Variants in PDE6B observed in about 807,000 individuals in gnomAD.
The protein encoded by PDE6B is phosphodiesterase 6B, also known as rod cGMP-specific 3',5'-cyclic phosphodiesterase subunit beta.
Under a neutral mutation model 109.0 loss-of-function variants are expected in PDE6B, and 106 were observed. That is an observed-to-expected ratio of 0.97 (90% CI 0.83 to 1.14). The LOEUF (loss-of-function observed/expected upper bound fraction) is 1.14, where lower values mean the gene tolerates loss of function less well. Among genes scored for constraint, PDE6B ranks in the 50% most tolerant of loss-of-function variants. The pLI, the probability that PDE6B is intolerant of heterozygous loss-of-function variation, is 0.00. For missense variants in PDE6B, 1,193 were observed against 1,155.6 expected (o/e 1.03, Z -0.47); for synonymous variants, 490 against 471.3 (o/e 1.04, Z -0.51).
At position 626,666 on chromosome 4, in the gene PDE6B, G is replaced by C. The variant is rs1286546193; in HGVS notation, c.468+572G>C. ...GGAGAACAAACCTGGTAGCCACTGA[G>C]CACAGGGGTCCAGGGTGGGACTGGG... On this transcript the variant is annotated intron_variant, in intron 1 of 21. Coordinates refer to ENST00000496514, the MANE Select transcript of PDE6B (RefSeq NM_000283.4). This position sits in a 1 kb window ranked among gnomAD's most constrained non-coding sequence, Gnocchi z 4.6. 6.6e-6 allele frequency among the ~76,000 whole-genome samples: 1 copy of C among 152,248 alleles called. No individual in the cohort carries two copies. The highest frequency in any genetic ancestry group is 1.5e-5 in the Non-Finnish European group (1 of 68,044).
intron 2 of PDE6B, 112 bp from the exon 3 acceptor site, chr4:635,768 C>T (rs1247941959): frequency 2.8e-6 from 2 of 723,372 alleles, no homozygotes; most frequent in Non-Finnish European, 5.1e-6. Flanking sequence ...GGCACAGCTT[C>T]CTGGCGTGTC....
rs1266292511 is a variant in PDE6B, at chr4:633,819, T to C, written c.469-858T>C. Among the ~76,000 whole-genome samples the C allele has an allele frequency of 2.6e-5, 4 of 152,172 alleles. No individual in the cohort carries two copies. On this transcript the variant is annotated intron_variant, in intron 1 of 21. Transcript: ENST00000496514. This position sits in a 1 kb window ranked among gnomAD's most constrained non-coding sequence, Gnocchi z 4.5. ...AGAACCAGGAAGTAAGAGGAGGGTCTGGGGTCACATCCAACTCTCTGAAGG... is the reference window on the plus strand; with the variant it reads ...AGAACCAGGAAGTAAGAGGAGGGTCCGGGGTCACATCCAACTCTCTGAAGG...
At chr4:653,687 G>A in intron 3 of PDE6B, 165 bp from the exon 4 acceptor site, 3 of 796,044 alleles carry the variant, frequency 3.8e-6, no homozygotes, top group Non-Finnish European at 6.2e-6. Context: ...ATGAAACCTG[G>A]CCACGGAGCC....
intron 11 of PDE6B, 111 bp downstream of exon 11, chr4:659,128 G>A: frequency 2.5e-6 from 2 of 789,354 alleles, no homozygotes; most frequent in East Asian, 2.6e-5. Context: ...CGGTCATCAG[G>A]GATGTTGGTG....
In PDE6B at chr4:662,413, C is replaced by A; in HGVS notation, c.1723-96C>A. On this transcript the variant is annotated intron_variant, in intron 13 of 21. Transcript: ENST00000496514. The surrounding 1 kb of genome is among the most constrained non-coding windows in gnomAD (Gnocchi z 4.3). ...CCCAGCCCTGCGGTGGTCGGAGGTC[C>A]AACCTCCAACCCGACGCCTAGGTCA... The A allele has an allele frequency of 1.1e-6, 1 of 930,630 alleles. No individual in the cohort carries two copies. Among genetic ancestry groups the A allele is most frequent in the Non-Finnish European group, 1.8e-6 (1 of 571,068 alleles). The allele number at this position is 930,630 out of a possible 1,614,324, so 57.6% of individuals were successfully genotyped here. A position where few individuals can be genotyped will look rare whatever the true frequency, so the allele number is the denominator to read the frequency against.
chr4:667,596 T>C (rs1487892860), intron 20 of PDE6B, among the ~76,000 whole-genome samples: 1 of 152,176 alleles, frequency 6.6e-6, no homozygotes, highest in African/African-American at 2.4e-5. Context: ...TGAGCTGTTC[T>C]GCTCATTCTT....
intron 1 of PDE6B, 150 bp from the exon 2 acceptor site, chr4:634,527 G>A (rs1039533904): frequency 1.0e-4 from 79 of 768,986 alleles, no homozygotes; most frequent in African/African-American, 1.7e-4. Flanking sequence ...TTCACCGCCC[G>A]GTGGCCACAT....
chr4:656,017 T>C lies in PDE6B; in HGVS notation c.1059+11T>C. 1 of 1,562,080 alleles carries C rather than the reference T, an allele frequency of 6.4e-7. No homozygotes were observed. Among genetic ancestry groups the C allele is most frequent in the Non-Finnish European group, 8.8e-7 (1 of 1,133,380 alleles). ...GCAGAAAGCGGCTTTGTGAGTCCCG[T>C]GCTGTCTGGAGTCCCCACAGCCTTG... On this transcript the variant is annotated intron_variant, in intron 7 of 21. Transcript: ENST00000496514.
chr4:640,399 C>A (rs1377150140), intron 3 of PDE6B, among the ~76,000 whole-genome samples: 1 of 152,064 alleles, frequency 6.6e-6, no homozygotes, highest in Non-Finnish European at 1.5e-5. Context: ...ATTAGCCAGG[C>A]ATGGTGGCGG....
chr4:663,188 GT>G lies in PDE6B; in HGVS notation c.1920+3del, dbSNP rs1338124536. ...TGGGAAGTTCCTGCTCTCGGAGGAGGTTGGTATACTCACCCTCGGTTTCTGC... is the reference window on the plus strand; with the variant it reads ...TGGGAAGTTCCTGCTCTCGGAGGAGGTGGTATACTCACCCTCGGTTTCTGC... On this transcript the variant is annotated splice_donor_variant, in intron 15 of 21. Coordinates refer to ENST00000496514, the MANE Select transcript of PDE6B (RefSeq NM_000283.4). LOFTEE classifies it high-confidence loss of function. This position sits in a 1 kb window ranked among gnomAD's most constrained non-coding sequence, Gnocchi z 4.0. 1.3e-6 allele frequency: 2 copies of G among 1,558,808 alleles called. No homozygotes were observed. The highest frequency in any genetic ancestry group is 1.4e-5 in the African/African-American group (1 of 73,820).
chr4:656,052 G>C (rs751726067), intron 7 of PDE6B, 46 bp downstream of exon 7: 2 of 1,275,788 alleles, frequency 1.6e-6, no homozygotes, highest in South Asian at 1.2e-5. Context: ...GCCCTCACTG[G>C]GTGCGGCGAT....
intron 1 of PDE6B, among the ~76,000 whole-genome samples, chr4:627,511 A>G: frequency 6.6e-6 from 1 of 152,064 alleles, no homozygotes; most frequent in Non-Finnish European, 1.5e-5. Context: ...TAGATTCAGT[A>G]ATCCCCGGGT....
At chr4:658,216 G>T (rs1324676435) in intron 10 of PDE6B, among the ~76,000 whole-genome samples, 1 of 139,146 alleles carries the variant, frequency 7.2e-6, no homozygotes, top group African/African-American at 2.7e-5. Context: ...TGTGGCGGGG[G>T]CAGGTCACCC....
At chr4:635,159 G>A (rs577865705) in intron 2 of PDE6B, among the ~76,000 whole-genome samples, 14 of 88,096 alleles carry the variant, frequency 1.6e-4, no homozygotes, top group East Asian at 3.7e-4. Flanking sequence ...GCCTGCCCGC[G>A]TGTTCTGTGC....
chr4:651,307 A>AGGCGGCGATGT (rs1735528058), intron 3 of PDE6B, among the ~76,000 whole-genome samples: 8 of 148,724 alleles, frequency 5.4e-5, no homozygotes, highest in East Asian at 4.0e-4. Context: ...GCAGGGGCTG[A>AGGCGGCGATGT]CCCGTGGGGT....
In PDE6B at chr4:662,405, C is replaced by A; in HGVS notation, c.1723-104C>A. ...CCGCGCACCCCAGCCCTGCGGTGGTCGGAGGTCCAACCTCCAACCCGACGC... is the reference window on the plus strand; with the variant it reads ...CCGCGCACCCCAGCCCTGCGGTGGTAGGAGGTCCAACCTCCAACCCGACGC... On this transcript the variant is annotated intron_variant, in intron 13 of 21. Coordinates refer to ENST00000496514, the MANE Select transcript of PDE6B (RefSeq NM_000283.4). This position sits in a 1 kb window ranked among gnomAD's most constrained non-coding sequence, Gnocchi z 4.3. The A allele has an allele frequency of 1.1e-6, 1 of 881,960 alleles. No individual in the cohort carries two copies. The highest frequency in any genetic ancestry group is 1.4e-5 in the South Asian group (1 of 72,874). The allele number at this position is 881,960 out of a possible 1,614,324, so 54.6% of individuals were successfully genotyped here.
chr4:652,061 C>T, intron 3 of PDE6B: 1 of 56,102 alleles, frequency 1.8e-5, no homozygotes, highest in South Asian at 6.3e-4. Flanking sequence ...GAGGAGGGTC[C>T]ACACCCATCG....
At chr4:634,466 C>T (rs1294171093) in intron 1 of PDE6B, among the ~76,000 whole-genome samples, 4 of 152,186 alleles carry the variant, frequency 2.6e-5, no homozygotes, top group Admixed American at 6.5e-5. Flanking sequence ...CCAGCATCCT[C>T]CGCACAGGGG....
Position 663,636 on chromosome 4 carries a change from A to G in PDE6B, c.1921-134A>G. On this transcript the variant is annotated intron_variant, in intron 15 of 21. Coordinates refer to ENST00000496514, the MANE Select transcript of PDE6B (RefSeq NM_000283.4). This position sits in a 1 kb window ranked among gnomAD's most constrained non-coding sequence, Gnocchi z 4.0. ...GAGGGCCCTGAGCAGCAGGCGGATT[A>G]GGGGTCCCGCCCACCGAGGGCCCGA... 1 of 713,754 alleles carries G rather than the reference A, an allele frequency of 1.4e-6. No individual in the cohort carries two copies. Among genetic ancestry groups the G allele is most frequent in the African/African-American group, 1.8e-5 (1 of 57,118 alleles). The allele number at this position is 713,754 out of a possible 1,614,324, so 44.2% of individuals were successfully genotyped here. A position where few individuals can be genotyped will look rare whatever the true frequency, so the allele number is the denominator to read the frequency against.
Sources: allele counts gnomAD v4.1 joint callset (sites outside exome capture counted in the v4.1 genomes callset), GRCh38; gene constraint gnomAD v4.1.1; non-coding constraint Gnocchi (gnomAD v3.1); transcripts MANE v1.5; gene names NCBI Gene and HGNC (gene_info 2026-07-23, HGNC 2026-07-21).